CAST: variants seen among roughly 807,000 people sequenced by gnomAD.
The protein encoded by CAST is calpastatin, also known as MIR583 host.
In CAST, 76 loss-of-function variants were observed where a neutral mutation model predicts 119.6. The observed-to-expected ratio is 0.64, with a 90% CI of 0.53 to 0.77. The LOEUF is 0.77. CAST is among the 30% of genes least tolerant of loss of function. The pLI, the probability that CAST is intolerant of heterozygous loss-of-function variation, is 0.00. For synonymous variants in CAST, 319 were observed against 331.6 expected (o/e 0.96, Z 0.41); for missense variants, 953 against 946.5 (o/e 1.01, Z -0.09).
the CAST span, among the ~76,000 whole-genome samples, chr5:96,406,335 T>G: frequency 2.0e-5 from 3 of 152,228 alleles, no homozygotes; most frequent in African/African-American, 7.2e-5. Context: ...GATGCCAGTC[T>G]CAGCTTGTGT....
the CAST span, among the ~76,000 whole-genome samples, chr5:96,171,214 G>A: frequency 6.6e-6 from 1 of 152,336 alleles, no homozygotes; most frequent in Non-Finnish European, 1.5e-5. Context: ...GAAATCGAAA[G>A]TGCCATTTTC....
the CAST span, among the ~76,000 whole-genome samples, chr5:96,517,445 G>A: frequency 2.6e-5 from 4 of 152,174 alleles, no homozygotes; most frequent in African/African-American, 9.7e-5. Context: ...GTTTGCAAGT[G>A]TCACCGTGGA....
chr5:96,183,701 G>A, the CAST span, among the ~76,000 whole-genome samples: 2,895 of 152,230 alleles, frequency 0.019, 31 homozygotes, highest in Non-Finnish European at 0.028. Context: ...ATTTTGGGGA[G>A]TCGCATTTAC....
At chr5:96,231,055 C>T in the CAST span, among the ~76,000 whole-genome samples, 2 of 152,012 alleles carry the variant, frequency 1.3e-5, no homozygotes, top group Admixed American at 6.6e-5. Flanking sequence ...GTACAGTCAC[C>T]TTGGAAAACA....
At chr5:96,031,366 T>C in the CAST span, among the ~76,000 whole-genome samples, 9 of 152,136 alleles carry the variant, frequency 5.9e-5, no homozygotes, top group African/African-American at 2.2e-4. Context: ...GATAGACCAA[T>C]GAGCAAACAT....
chr5:95,973,606 T>C, the CAST span, among the ~76,000 whole-genome samples: 1 of 152,196 alleles, frequency 6.6e-6, no homozygotes, highest in Non-Finnish European at 1.5e-5. Flanking sequence ...CATTGAACTG[T>C]ATTTGCACCT....
chr5:96,133,960 G>A, the CAST span, among the ~76,000 whole-genome samples: 1 of 152,180 alleles, frequency 6.6e-6, no homozygotes, highest in Admixed American at 6.5e-5. Flanking sequence ...TCAAGGTTCT[G>A]TGAGAGGTTT....
At chr5:96,118,630 C>CTTT in the CAST span, among the ~76,000 whole-genome samples, 1 of 129,942 alleles carries the variant, frequency 7.7e-6, no homozygotes, top group African/African-American at 2.8e-5. Flanking sequence ...TGGAAATTTG[C>CTTT]TTTTTTTTTT....
chr5:96,753,053 G>A (rs771216774), intron 20 of CAST, among the ~76,000 whole-genome samples: 3 of 151,418 alleles, frequency 2.0e-5, no homozygotes, highest in Non-Finnish European at 4.4e-5. Context: ...GACTGCAATG[G>A]CATGATCTCG....
the CAST span, among the ~76,000 whole-genome samples, chr5:96,350,828 A>G: frequency 3.9e-5 from 6 of 152,316 alleles, no homozygotes; most frequent in South Asian, 1.2e-3. Flanking sequence ...AGGGAAGAGG[A>G]ATAGAACACA....
chr5:96,178,149 A>G, the CAST span, among the ~76,000 whole-genome samples: 1 of 152,372 alleles, frequency 6.6e-6, no homozygotes, highest in South Asian at 2.1e-4. Flanking sequence ...TTCAATATCC[A>G]CAACCACAAC....
At chr5:96,743,757 G>T in intron 16 of CAST, 1 of 1,500,900 alleles carries the variant, frequency 6.7e-7, no homozygotes, top group South Asian at 1.2e-5. Flanking sequence ...GTAATGTATT[G>T]GGAAGAAGGG....
At chr5:96,059,632 T>C in the CAST span, among the ~76,000 whole-genome samples, 197 of 152,160 alleles carry the variant, frequency 1.3e-3, no homozygotes, top group African/African-American at 4.7e-3. Flanking sequence ...AGGCCAGTAA[T>C]AAATGGAATC....
the CAST span, among the ~76,000 whole-genome samples, chr5:96,333,075 C>A: frequency 2.0e-5 from 3 of 151,884 alleles, no homozygotes; most frequent in Admixed American, 2.0e-4. Context: ...TAGCGTCTCT[C>A]CTTGCCATTC....
At chr5:96,629,506 T>G (rs2150201495) in intron 1 of CAST, among the ~76,000 whole-genome samples, 1 of 152,348 alleles carries the variant, frequency 6.6e-6, no homozygotes, top group Admixed American at 6.5e-5. Context: ...AGGTATTAAT[T>G]CCTTATAAAT....
the CAST span, among the ~76,000 whole-genome samples, chr5:96,305,951 G>A: frequency 6.6e-6 from 1 of 152,204 alleles, no homozygotes; most frequent in South Asian, 2.1e-4. Flanking sequence ...TTGGTATCAG[G>A]ATGATACTGG....
At chr5:96,162,195 T>C in the CAST span, among the ~76,000 whole-genome samples, 1 of 152,238 alleles carries the variant, frequency 6.6e-6, no homozygotes, top group Non-Finnish European at 1.5e-5. Context: ...GTTCCTGCTG[T>C]TGGGAGTAAA....
At chr5:96,036,278 A>C in the CAST span, among the ~76,000 whole-genome samples, 2,122 of 152,156 alleles carry the variant, frequency 0.014, 41 homozygotes, top group African/African-American at 0.049. Context: ...ACACTTTTTT[A>C]AAAAAGATTT....
At chr5:96,359,382 T>C in the CAST span, among the ~76,000 whole-genome samples, 1 of 152,236 alleles carries the variant, frequency 6.6e-6, no homozygotes, top group East Asian at 1.9e-4. Flanking sequence ...ATTATGATGC[T>C]AGCTGGTTAT....
Sources: allele counts gnomAD v4.1 joint callset (sites outside exome capture counted in the v4.1 genomes callset), GRCh38; gene constraint gnomAD v4.1.1; transcripts MANE v1.5; gene names NCBI Gene and HGNC (gene_info 2026-07-23, HGNC 2026-07-21).